ACSS2: variants seen among roughly 807,000 people sequenced by gnomAD.
ACSS2 encodes the protein acetyl-coenzyme A synthetase, cytoplasmic.
In ACSS2, 58 loss-of-function variants were observed where a neutral mutation model predicts 90.6. The ratio of observed to expected loss-of-function variants is 0.64; its 90% confidence interval spans 0.52 to 0.80. ACSS2 has a LOEUF of 0.80. Among genes scored for constraint, ACSS2 ranks in the 30% least tolerant of loss-of-function variants. ACSS2 has a pLI of 0.00. For missense variants in ACSS2, 759 were observed against 912.0 expected, an observed-to-expected ratio of 0.83 and a Z score of 2.16; for synonymous variants, 300 against 330.9, an observed-to-expected ratio of 0.91 and a Z score of 1.01.
At chr20:34,900,056 A>G (rs1157448367) in intron 2 of ACSS2, among the ~76,000 whole-genome samples, 2 of 151,932 alleles carry the variant, frequency 1.3e-5, no homozygotes, top group Non-Finnish European at 2.9e-5. Flanking sequence ...ATTTCTGCAC[A>G]TGCTTGTCAG....
In ACSS2 at chr20:34,923,377, C is replaced by T. The variant is rs370804534; in HGVS notation, c.1603C>T (p.Arg535Cys). ...GCGCACAGTCTATGGGAACCACGAA[C>T]GCTTTGAGACAACCTACTTTAAGAA... ...IMRTVYGNHE[R>C]FETTYFKKFP... The change falls in exon 14 of 18, where the codon CGC (arginine) becomes TGC (cysteine). Residue 535 changes from arginine to cysteine, a missense_variant. Physicochemically the swap from Arg to Cys is radical, Grantham distance 180. Transcript: ENST00000360596. 3.6e-5 allele frequency: 58 copies of T among 1,614,102 alleles called. No homozygotes were observed. The highest frequency in any genetic ancestry group is 1.2e-4 in the Admixed American group (7 of 60,008).
At chr20:34,902,121 A>C (rs969960475) in intron 2 of ACSS2, among the ~76,000 whole-genome samples, 2 of 151,982 alleles carry the variant, frequency 1.3e-5, no homozygotes, top group Non-Finnish European at 2.9e-5. Flanking sequence ...ATGATCCTTT[A>C]GATTCATGCA....
At chr20:34,925,426 A>G (rs534023824) in intron 14 of ACSS2, among the ~76,000 whole-genome samples, 17 of 152,224 alleles carry the variant, frequency 1.1e-4, no homozygotes, top group African/African-American at 4.1e-4. Context: ...GTCTTCTACA[A>G]CCTAATCTCA....
intron 7 of ACSS2, among the ~76,000 whole-genome samples, chr20:34,916,689 C>G (rs2081084108): frequency 6.6e-6 from 1 of 152,092 alleles, no homozygotes; most frequent in Non-Finnish European, 1.5e-5. Flanking sequence ...ACAATGGGCC[C>G]CATATTTAAA....
intron 2 of ACSS2, among the ~76,000 whole-genome samples, chr20:34,905,238 T>C (rs186164336): frequency 6.6e-6 from 1 of 150,668 alleles, no homozygotes; most frequent in African/African-American, 2.4e-5. Flanking sequence ...AAAAAATTAG[T>C]GGTCAACACA....
intron 2 of ACSS2, among the ~76,000 whole-genome samples, chr20:34,889,930 G>A (rs548597618): frequency 6.6e-6 from 1 of 152,258 alleles, no homozygotes; most frequent in South Asian, 2.1e-4. Context: ...TCGCAGCAGA[G>A]GTTAAGAGGA....
At chr20:34,921,301 C>G (rs1467217858) in intron 10 of ACSS2, 29 bp from the exon 11 acceptor site, 1 of 1,613,330 alleles carries the variant, frequency 6.2e-7, no homozygotes. Context: ...GTACTCAGAG[C>G]CTTCCTCTCT....
At chr20:34,914,504 C>A (rs866679780) in intron 7 of ACSS2, 67 bp downstream of exon 7, 1 of 1,374,550 alleles carries the variant, frequency 7.3e-7, no homozygotes. Flanking sequence ...CTAGAAAATT[C>A]TTGATGTCCT....
In ACSS2 at chr20:34,876,639, T is replaced by C. The variant is rs1156253984; in HGVS notation, c.-7T>C. The C allele has an allele frequency of 1.4e-5, 19 of 1,360,480 alleles. No homozygotes were observed. The East Asian group carries it at 5.8e-4, about 41-fold the overall frequency. The allele number at this position is 1,360,480 out of a possible 1,614,324, so 84.3% of individuals were successfully genotyped here. ...AAAGGCGGCCGCGGTTCTAGGAACT[T>C]GACGTGATGGGGCTTCCTGAGGAGC... On this transcript the variant is annotated 5_prime_UTR_variant, in exon 1 of 18. Coordinates refer to ENST00000360596, the MANE Select transcript of ACSS2 (RefSeq NM_018677.4).
Position 34,921,324 on chromosome 20 carries a change from C to A in ACSS2, c.1278-6C>A. On this transcript the variant is annotated splice_region_variant and splice_polypyrimidine_tract_variant and intron_variant, in intron 10 of 17. Transcript: ENST00000360596. ...AGCCTTCCTCTCTCCCATTCCCCTG[C>A]CCCAGGCATAGCCGGGCATCCTTGC... 6.2e-7 allele frequency: 1 copy of A among 1,614,014 alleles called. No homozygotes were observed. The highest frequency in any genetic ancestry group is 1.3e-5 in the African/African-American group (1 of 75,046).
chr20:34,899,499 T>A (rs961148587), intron 2 of ACSS2, among the ~76,000 whole-genome samples: 1 of 150,624 alleles, frequency 6.6e-6, no homozygotes, highest in African/African-American at 2.5e-5. Context: ...TCTTTTTTGT[T>A]TTTTTTTGAG....
chr20:34,883,788 AT>A (rs1207498022), intron 2 of ACSS2, among the ~76,000 whole-genome samples: 5 of 152,172 alleles, frequency 3.3e-5, no homozygotes, highest in Non-Finnish European at 5.9e-5. Context: ...CCAGCAGGAA[AT>A]TTCTAAGACT....
At chr20:34,878,892 T>G (rs1308565529) in intron 1 of ACSS2, among the ~76,000 whole-genome samples, 1 of 132,678 alleles carries the variant, frequency 7.5e-6, no homozygotes, top group Non-Finnish European at 1.6e-5. Flanking sequence ...AAATTCTGCT[T>G]TTCTTTTTTT....
Position 34,914,455 on chromosome 20 carries a change from A to C in ACSS2, c.834+18A>C. 3 of 1,576,628 alleles carry C rather than the reference A, an allele frequency of 1.9e-6. No individual in the cohort carries two copies. The highest frequency in any genetic ancestry group is 2.6e-6 in the Non-Finnish European group (3 of 1,161,476). ...ATGTGCAGGTGAGTCTGGCACTGCTATGCCTTTCTCCAGGCTCAAATTCCT... is the reference window on the plus strand; with the variant it reads ...ATGTGCAGGTGAGTCTGGCACTGCTCTGCCTTTCTCCAGGCTCAAATTCCT... On this transcript the variant is annotated intron_variant, in intron 7 of 17. Coordinates refer to ENST00000360596, the MANE Select transcript of ACSS2 (RefSeq NM_018677.4).
chr20:34,924,676 CTTT>C (rs375216809), intron 14 of ACSS2, among the ~76,000 whole-genome samples: 109 of 117,386 alleles, frequency 9.3e-4, no homozygotes, highest in Middle Eastern at 7.6e-3. Context: ...AGTGGGAAAC[CTTT>C]TTTTTGTTGT....
chr20:34,887,654 T>C (rs1601293793), intron 2 of ACSS2, among the ~76,000 whole-genome samples: 1 of 152,082 alleles, frequency 6.6e-6, no homozygotes, highest in Non-Finnish European at 1.5e-5. Flanking sequence ...GGCAGGAGAA[T>C]GGCTTGAACC....
chr20:34,914,120 T>C lies in ACSS2; in HGVS notation c.668T>C (p.Leu223Pro). Residue 223 changes from leucine (L) to proline (P), a missense_variant, in exon 6 of 18, where the codon CTT becomes CCT. Physicochemically the swap from Leu to Pro is moderately conservative, Grantham distance 98 (BLOSUM62 -3). Transcript: ENST00000360596. ...GATGCCTTCTACAGGGGGGAAAAGC[T>C]TGTGAACCTGAAGGAGCTGGCTGAC... ...TTDAFYRGEKLVNLKELADEA... is the reference protein window; with the variant it reads ...TTDAFYRGEKPVNLKELADEA... 1 of 1,614,180 alleles carries C rather than the reference T, an allele frequency of 6.2e-7. No homozygotes were observed. The highest frequency in any genetic ancestry group is 1.1e-5 in the South Asian group (1 of 91,082).
At chr20:34,914,529 T>C (rs956632912) in intron 7 of ACSS2, 92 bp downstream of exon 7, 17 of 1,131,572 alleles carry the variant, frequency 1.5e-5, no homozygotes, top group Non-Finnish European at 2.1e-5. Context: ...TGCCTGCTCA[T>C]CAGTATACTG....
chr20:34,897,312 A>G (rs542746536), intron 2 of ACSS2, among the ~76,000 whole-genome samples: 1 of 152,134 alleles, frequency 6.6e-6, no homozygotes, highest in Non-Finnish European at 1.5e-5. Flanking sequence ...GAAAATTTTC[A>G]TCACCCCCAA....
Sources: allele counts gnomAD v4.1 joint callset (sites outside exome capture counted in the v4.1 genomes callset), GRCh38; gene constraint gnomAD v4.1.1; transcripts MANE v1.5; gene names NCBI Gene and HGNC (gene_info 2026-07-23, HGNC 2026-07-21).